MUC22: variants seen among roughly 807,000 people sequenced by gnomAD.
The protein encoded by MUC22 is mucin 22.
In MUC22, 24 loss-of-function variants were observed where a neutral mutation model predicts 40.3. That is an observed-to-expected ratio of 0.60 (90% CI 0.43 to 0.84). The LOEUF is 0.84. Among genes scored for constraint, MUC22 ranks in the 40% least tolerant of loss-of-function variants. The probability of loss-of-function intolerance (pLI) is 0.00; values close to 1 mark genes in which losing one functional copy is unlikely to be tolerated. For synonymous variants in MUC22, 765 were observed against 844.5 expected, an observed-to-expected ratio of 0.91 and a Z score of 1.63; for missense variants, 1,926 against 2,130.7, an observed-to-expected ratio of 0.90 and a Z score of 1.89.
intron 1 of MUC22, among the ~76,000 whole-genome samples, chr6:31,024,805 G>C (rs79322782): frequency 6.6e-6 from 1 of 151,774 alleles, no homozygotes; most frequent in African/African-American, 2.4e-5. Context: ...TAACAACTCA[G>C]GGTATTTGTA....
Position 31,011,313 on chromosome 6 carries a change from C to A in MUC22, c.70+537C>A, listed in dbSNP as rs1763856213. On this transcript the variant is annotated intron_variant, in intron 1 of 3. Coordinates refer to ENST00000561890, the Ensembl canonical transcript of MUC22. This position sits in a 1 kb window ranked among gnomAD's most constrained non-coding sequence, Gnocchi z 4.5. ...GTCACCAAGCAGTGTACACCGCACC[C>A]ACCCTATCTGTAGTCTTTTATCTCT... is the stretch of plus-strand genomic sequence containing the variant. 6.6e-6 allele frequency among the ~76,000 whole-genome samples: 1 copy of A among 152,072 alleles called. No individual in the cohort carries two copies. The highest frequency in any genetic ancestry group is 1.5e-5 in the Non-Finnish European group (1 of 68,018).
chr6:31,021,068 G>T (rs555436852), intron 1 of MUC22, among the ~76,000 whole-genome samples: 1 of 152,242 alleles, frequency 6.6e-6, no homozygotes, highest in Non-Finnish European at 1.5e-5. Context: ...GCTCCAGGGC[G>T]CCCAGTCCCA....
At chr6:31,029,708 C>T in exon 2 of MUC22, 2 of 1,534,698 alleles carry the variant, frequency 1.3e-6, no homozygotes, top group Non-Finnish European at 1.7e-6. Context: ...TCTGAGGCCA[C>T]CACCACCTCT....
intron 1 of MUC22, 115 bp downstream of exon 1, chr6:31,010,891 ATT>A (rs3084544): frequency 0.13 from 68,774 of 538,378 alleles, 1,701 homozygotes; most frequent in African/African-American, 0.29. Context: ...ATGATGATTC[ATT>A]TTTTTTTTTT....
Position 31,026,561 on chromosome 6 carries a change from C to G in MUC22, c.1130C>G (p.Thr377Ser). 2.0e-6 allele frequency: 3 copies of G among 1,501,732 alleles called. 1 individual carries two copies. The highest frequency in any genetic ancestry group is 1.4e-5 in the African/African-American group (1 of 71,830). 93.0% of individuals were successfully genotyped at this position (1,501,732 alleles called of 1,614,324 possible). ...GTCTCTGCCATGGGCTCAGAGACCACCACAAACTCTACTACAAGCTCTGAG... is the reference window on the plus strand; with the variant it reads ...GTCTCTGCCATGGGCTCAGAGACCAGCACAAACTCTACTACAAGCTCTGAG... The change falls in exon 2 of 4, where the codon ACC becomes AGC. Residue 377 changes from threonine (T) to serine (S), a missense_variant. Coordinates refer to ENST00000561890, the Ensembl canonical transcript of MUC22.
chr6:31,020,619 C>T (rs1308062817), intron 1 of MUC22, among the ~76,000 whole-genome samples: 2 of 152,064 alleles, frequency 1.3e-5, no homozygotes, highest in African/African-American at 4.8e-5. Flanking sequence ...CCCACTTTGG[C>T]GGCACTTGAG....
chr6:31,018,090 G>A (rs1269125264), intron 1 of MUC22, among the ~76,000 whole-genome samples: 3 of 152,210 alleles, frequency 2.0e-5, no homozygotes, highest in East Asian at 3.9e-4. Context: ...CACGGCGAGA[G>A]TCCACGGCTT....
At chr6:31,018,283 G>A (rs1198525830) in intron 1 of MUC22, among the ~76,000 whole-genome samples, 3 of 152,226 alleles carry the variant, frequency 2.0e-5, no homozygotes, top group Admixed American at 2.0e-4. Context: ...GGAGTGATCT[G>A]GAGCTGAGAG....
chr6:31,021,027 G>GT (rs1268941612), intron 1 of MUC22, among the ~76,000 whole-genome samples: 2 of 103,284 alleles, frequency 1.9e-5, no homozygotes, highest in African/African-American at 7.5e-5. Context: ...CTTCTGTGCG[G>GT]CCGGAGCCTC....
At position 31,032,049 on chromosome 6, in the gene MUC22, T is replaced by C. The variant is rs1766101727; in HGVS notation, c.4670-147T>C. 1.2e-6 allele frequency: 1 copy of C among 835,914 alleles called. No homozygotes were observed. The highest frequency in any genetic ancestry group is 1.7e-5 in the African/African-American group (1 of 57,996). The allele number at this position is 835,914 out of a possible 1,614,324, so 51.8% of individuals were successfully genotyped here. A position where few individuals can be genotyped will look rare whatever the true frequency, so the allele number is the denominator to read the frequency against. On this transcript the variant is annotated intron_variant, in intron 2 of 3. Transcript: ENST00000561890. The surrounding 1 kb of genome is among the most constrained non-coding windows in gnomAD (Gnocchi z 4.1). ...GGACATGGCCACAGCAGAATCGCTT[T>C]CTACCATCTCTCCTCCCCCACCACA...
At chr6:31,023,084 C>G (rs1044949593) in intron 1 of MUC22, among the ~76,000 whole-genome samples, 1 of 151,632 alleles carries the variant, frequency 6.6e-6, no homozygotes, top group Non-Finnish European at 1.5e-5. Context: ...GAGCTGAGAT[C>G]CCATCACTGC....
In MUC22 at chr6:31,029,854, A is replaced by T; in HGVS notation, c.4423A>T (p.Thr1475Ser). The stretch of plus-strand genomic sequence containing the variant: ...CACAGCCTGTACCACAGGTTCTGAG[A>T]CCTCCACACCCTCCAGTGCAGGCTC... Residue 1475 changes from threonine to serine, a missense_variant, in exon 2 of 4, where the codon ACC becomes TCC. By Grantham distance (58) the Thr-to-Ser change is moderately conservative (BLOSUM62 1). Transcript: ENST00000561890. 2.7e-6 allele frequency: 4 copies of T among 1,471,050 alleles called. No individual in the cohort carries two copies. In the South Asian group the frequency reaches 5.2e-5, roughly 19 times the overall value. 91.1% of individuals were successfully genotyped at this position (1,471,050 alleles called of 1,614,324 possible). A position where few individuals can be genotyped will look rare whatever the true frequency, so the allele number is the denominator to read the frequency against.
chr6:31,022,151 C>G (rs1764856083), intron 1 of MUC22, among the ~76,000 whole-genome samples: 1 of 152,146 alleles, frequency 6.6e-6, no homozygotes, highest in South Asian at 2.1e-4. Flanking sequence ...GGAGCAAACT[C>G]CAGACATGCC....
chr6:31,029,633 CA>C lies in MUC22; in HGVS notation c.4203del (p.Val1402SerfsTer10). 1.3e-6 allele frequency: 2 copies of C among 1,535,512 alleles called. No individual in the cohort carries two copies. Among genetic ancestry groups the C allele is most frequent in the Non-Finnish European group, 1.7e-6 (2 of 1,146,846 alleles). On this transcript the variant is annotated frameshift_variant, in exon 2 of 4. Transcript: ENST00000561890. LOFTEE classifies it high-confidence loss of function. ...TCTGAGATGACTACAGTCTTTACCA[CA>C]GTCTCTGAGACCACCACAGTCTCTA...
rs1562624301 is a variant in MUC22, at chr6:31,032,127, C to T, written c.4670-69C>T. On this transcript the variant is annotated intron_variant, in intron 2 of 3. Coordinates refer to ENST00000561890, the Ensembl canonical transcript of MUC22. This position sits in a 1 kb window ranked among gnomAD's most constrained non-coding sequence, Gnocchi z 4.1. ...TTTGTTAGATTCACCCTCCTCTGGTCTAAGCACCCCCATTCCCCTTTAATC... is the reference window on the plus strand; with the variant it reads ...TTTGTTAGATTCACCCTCCTCTGGTTTAAGCACCCCCATTCCCCTTTAATC... 6.8e-7 allele frequency: 1 copy of T among 1,470,030 alleles called. No homozygotes were observed. The highest frequency in any genetic ancestry group is 9.0e-7 in the Non-Finnish European group (1 of 1,110,396). The allele number at this position is 1,470,030 out of a possible 1,614,324, so 91.1% of individuals were successfully genotyped here. A position where few individuals can be genotyped will look rare whatever the true frequency, so the allele number is the denominator to read the frequency against.
chr6:31,020,903 T>C (rs1015927709), intron 1 of MUC22, among the ~76,000 whole-genome samples: 1 of 152,232 alleles, frequency 6.6e-6, no homozygotes, highest in Admixed American at 6.5e-5. Flanking sequence ...CCCCCAGCAG[T>C]GCCGGCCCAC....
At chr6:31,027,786 C>T (rs1343881831) in exon 2 of MUC22, 3 of 1,531,824 alleles carry the variant, frequency 2.0e-6, no homozygotes. Flanking sequence ...GCTCTGAGAA[C>T]ACTACAGTCT....
chr6:31,018,792 A>G (rs1462182795), intron 1 of MUC22, among the ~76,000 whole-genome samples: 2 of 152,264 alleles, frequency 1.3e-5, no homozygotes, highest in African/African-American at 4.8e-5. Flanking sequence ...GTTAACTGCC[A>G]TATTTTTCTA....
Position 31,032,726 on chromosome 6 carries a change from G to A in MUC22, c.5055+145G>A. The A allele has an allele frequency of 1.1e-6, 1 of 919,510 alleles. No individual in the cohort carries two copies. The highest frequency in any genetic ancestry group is 1.6e-6 in the Non-Finnish European group (1 of 629,602). The allele number at this position is 919,510 out of a possible 1,614,324, so 57.0% of individuals were successfully genotyped here. A position where few individuals can be genotyped will look rare whatever the true frequency, so the allele number is the denominator to read the frequency against. The stretch of plus-strand genomic sequence containing the variant: ...AAAGAATCACCTAGCCTGATATAAG[G>A]ACCAGAGAGAATGCTTAAGTCAGAG... On this transcript the variant is annotated intron_variant, in intron 3 of 3. Coordinates refer to ENST00000561890, the Ensembl canonical transcript of MUC22. This position sits in a 1 kb window ranked among gnomAD's most constrained non-coding sequence, Gnocchi z 4.1.
Sources: allele counts gnomAD v4.1 joint callset (sites outside exome capture counted in the v4.1 genomes callset), GRCh38; gene constraint gnomAD v4.1.1; non-coding constraint Gnocchi (gnomAD v3.1); transcripts MANE v1.5; gene names NCBI Gene and HGNC (gene_info 2026-07-23, HGNC 2026-07-21).